The following TLL1 variants were observed in gnomAD, a reference collection of about 807,000 sequenced individuals.
TLL1 encodes the protein tolloid-like protein 1.
TLL1 carries 49 observed loss-of-function variants against 128.2 expected under a neutral mutation model. The observed-to-expected ratio is 0.38, with a 90% confidence interval of 0.30 to 0.48. The LOEUF is 0.48. Ranked by LOEUF, TLL1 falls within the 20% of genes least tolerant of loss-of-function variation. The probability of loss-of-function intolerance (pLI) is 0.96; values close to 1 mark genes in which losing one functional copy is unlikely to be tolerated. For missense variants in TLL1, 1,123 were observed against 1,242.0 expected (o/e 0.90, Z 1.44); for synonymous variants, 454 against 418.8 (o/e 1.08, Z -1.03).
intron 1 of TLL1, chr4:165,919,983 T>A (rs1732972928): frequency 2.9e-6 from 1 of 350,020 alleles, no homozygotes; most frequent in Admixed American, 3.5e-5. Context: ...CTTCAGTGAT[T>A]GAGGTCTGTA....
At chr4:165,982,278 T>A (rs933095064) in intron 1 of TLL1, among the ~76,000 whole-genome samples, 3 of 130,752 alleles carry the variant, frequency 2.3e-5, no homozygotes, top group Non-Finnish European at 4.4e-5. Flanking sequence ...ATGAAACTTC[T>A]AAAGCTGTAA....
At chr4:166,092,788 T>C (rs1741834120) in intron 19 of TLL1, among the ~76,000 whole-genome samples, 1 of 152,128 alleles carries the variant, frequency 6.6e-6, no homozygotes. Flanking sequence ...CCCTTGTAAG[T>C]GGGATAACTG....
intron 18 of TLL1, among the ~76,000 whole-genome samples, chr4:166,088,946 G>A (rs189363813): frequency 1.2e-4 from 18 of 152,118 alleles, no homozygotes; most frequent in Admixed American, 5.9e-4. Flanking sequence ...TCAACGGACT[G>A]AACATGTGTG....
rs1742324834 is a variant in TLL1, at chr4:166,102,288, CCTG to C, written c.*1415_*1417del. The C allele has an allele frequency of 6.6e-6, 1 of 152,352 alleles. No individual in the cohort carries two copies. Among genetic ancestry groups the C allele is most frequent in the Non-Finnish European group, 1.5e-5 (1 of 67,940 alleles). 9.4% of individuals were successfully genotyped at this position (152,352 alleles called of 1,614,324 possible). On this transcript the variant is annotated 3_prime_UTR_variant, in exon 21 of 21. Transcript: ENST00000061240. The stretch of plus-strand genomic sequence containing the variant: ...GAAGCATTGGATATAAATATGGTGT[CCTG>C]CTTTTTTTGTAGAAAATGTAATTTG...
In TLL1 at chr4:166,010,411, G is replaced by A. The variant is rs190913827; in HGVS notation, c.917+2363G>A. Reference sequence around the variant, plus strand: ...TAGTGAACATCCTTTTATATGCTCGGTGGCATTTGTATATCATCTTTGGAG... The same window carrying A: ...TAGTGAACATCCTTTTATATGCTCGATGGCATTTGTATATCATCTTTGGAG... On this transcript the variant is annotated intron_variant, in intron 7 of 20. Transcript: ENST00000061240. 1.3e-4 allele frequency among the ~76,000 whole-genome samples: 19 copies of A among 150,980 alleles called. No individual in the cohort carries two copies. In the East Asian group the frequency reaches 3.7e-3, roughly 29 times the overall value.
At chr4:166,070,762 A>G (rs1740779495) in intron 16 of TLL1, among the ~76,000 whole-genome samples, 1 of 151,820 alleles carries the variant, frequency 6.6e-6, no homozygotes, top group Admixed American at 6.6e-5. Flanking sequence ...TCTTTCTTTC[A>G]CTGTGTCTCG....
chr4:166,043,174 T>G (rs543620090), intron 11 of TLL1, 100 bp from the exon 12 acceptor site: 2 of 1,512,468 alleles, frequency 1.3e-6, no homozygotes, highest in African/African-American at 1.4e-5. Context: ...CTTTATGTAC[T>G]GAGCTACAGG....
intron 1 of TLL1, among the ~76,000 whole-genome samples, chr4:165,893,972 A>G (rs1430801639): frequency 6.6e-6 from 1 of 152,186 alleles, no homozygotes; most frequent in Non-Finnish European, 1.5e-5. Context: ...TCTTGCACCC[A>G]ATTAGTATTA....
At chr4:165,937,262 T>C (rs1206961993) in intron 1 of TLL1, among the ~76,000 whole-genome samples, 3 of 152,220 alleles carry the variant, frequency 2.0e-5, no homozygotes. Flanking sequence ...CTGATGTGTT[T>C]GTTCAAATAT....
intron 5 of TLL1, among the ~76,000 whole-genome samples, chr4:166,001,921 A>G (rs1197656658): frequency 6.6e-6 from 1 of 152,186 alleles, no homozygotes; most frequent in Non-Finnish European, 1.5e-5. Flanking sequence ...CTTTCAGATG[A>G]TGAAATAAAA....
intron 18 of TLL1, among the ~76,000 whole-genome samples, chr4:166,084,768 G>A (rs1316526587): frequency 6.6e-6 from 1 of 152,060 alleles, no homozygotes; most frequent in Non-Finnish European, 1.5e-5. Context: ...GTATTACGCT[G>A]TTTCGGTTAC....
intron 1 of TLL1, among the ~76,000 whole-genome samples, chr4:165,908,626 A>G (rs1732384454): frequency 6.6e-6 from 1 of 151,972 alleles, no homozygotes; most frequent in Non-Finnish European, 1.5e-5. Flanking sequence ...ACACTAAACT[A>G]ATAGCAGTCT....
At chr4:166,049,134 C>T (rs980596207) in intron 12 of TLL1, among the ~76,000 whole-genome samples, 2 of 152,120 alleles carry the variant, frequency 1.3e-5, no homozygotes, top group African/African-American at 4.8e-5. Flanking sequence ...GACTATAAAA[C>T]AGAGGAGTTA....
intron 15 of TLL1, among the ~76,000 whole-genome samples, chr4:166,062,193 A>C (rs4388044): frequency 0.51 from 77,998 of 151,900 alleles, 23,051 homozygotes; most frequent in African/African-American, 0.83. Flanking sequence ...ATTGTCGTGG[A>C]GATGTGGGTT....
chr4:165,879,580 C>T (rs1730889451), intron 1 of TLL1, among the ~76,000 whole-genome samples: 1 of 152,118 alleles, frequency 6.6e-6, no homozygotes, highest in African/African-American at 2.4e-5. Flanking sequence ...TAGAATATTA[C>T]TTATTCTAAT....
intron 9 of TLL1, chr4:166,030,360 A>AT: frequency 2.4e-6 from 1 of 409,962 alleles, no homozygotes; most frequent in Non-Finnish European, 4.3e-6. Context: ...AGATTATTTG[A>AT]TTTTGTCTTT....
chr4:165,910,672 T>C (rs973421212), intron 1 of TLL1, among the ~76,000 whole-genome samples: 5 of 152,212 alleles, frequency 3.3e-5, no homozygotes, highest in African/African-American at 1.2e-4. Context: ...CTGATAACAC[T>C]ATAAGGCTAA....
chr4:166,095,947 G>A (rs188932257), intron 19 of TLL1, among the ~76,000 whole-genome samples: 5 of 152,176 alleles, frequency 3.3e-5, no homozygotes, highest in South Asian at 4.1e-4. Flanking sequence ...TGTGTTCACC[G>A]TATTTAAAAA....
chr4:166,063,740 G>A (rs1168484365), intron 15 of TLL1, among the ~76,000 whole-genome samples: 1 of 152,014 alleles, frequency 6.6e-6, no homozygotes, highest in Non-Finnish European at 1.5e-5. Context: ...CTATCGCAAG[G>A]ACAGAAAACC....
Sources: gnomAD v4.1 joint callset for allele counts (sites outside exome capture counted in the v4.1 genomes callset) on GRCh38, gnomAD v4.1.1 for gene constraint, MANE v1.5 for transcripts, NCBI Gene and HGNC (gene_info 2026-07-23, HGNC 2026-07-21) for gene names.